Variants in STAMBP observed in about 807,000 individuals in gnomAD.
STAMBP encodes the protein STAM binding protein.
STAMBP carries 31 observed loss-of-function variants against 50.7 expected under a neutral mutation model. The observed-to-expected ratio is 0.61, with a 90% CI of 0.46 to 0.83. The LOEUF is 0.83. STAMBP is among the 40% of genes least tolerant of loss of function. The pLI is 0.00. For missense variants in STAMBP, 472 were observed against 518.9 expected (o/e 0.91, Z 0.88); for synonymous variants, 211 against 192.4 (o/e 1.10, Z -0.80).
chr2:73,847,821 A>G, intron 5 of STAMBP, 68 bp downstream of exon 5: 3 of 1,537,598 alleles, frequency 2.0e-6, no homozygotes, highest in Non-Finnish European at 2.6e-6. Context: ...TGACGGGGTC[A>G]ACCTAAGATT....
Position 73,829,294 on chromosome 2 carries a change from G to GA in STAMBP, c.-228dup, listed in dbSNP as rs2104035909. The GA allele has an allele frequency of 6.6e-6, 1 of 152,454 alleles. No individual in the cohort carries two copies. The highest frequency in any genetic ancestry group is 1.9e-4 in the East Asian group (1 of 5,188). 9.4% of individuals were successfully genotyped at this position (152,454 alleles called of 1,614,324 possible). On this transcript the variant is annotated 5_prime_UTR_variant, in exon 1 of 10. It removes the in-frame stop codon of an upstream open reading frame in the 5' UTR. Coordinates refer to ENST00000394070, the MANE Select transcript of STAMBP (RefSeq NM_213622.4). ...AAGAAGGGTTCCTCAAGCAGTTGTC[G>GA]ATAGAGCCCTCCCTACTGTATACGC...
chr2:73,855,797 G>A (rs1677479292), intron 7 of STAMBP: 2 of 406,976 alleles, frequency 4.9e-6, no homozygotes, highest in African/African-American at 4.1e-5. Context: ...GAATCACTTA[G>A]TGAGCTTTCA....
chr2:73,859,185 G>A, intron 7 of STAMBP, 69 bp from the exon 8 acceptor site: 4 of 1,253,330 alleles, frequency 3.2e-6, no homozygotes, highest in Non-Finnish European at 4.7e-6. Flanking sequence ...CTCAGAAAGG[G>A]AATCGCAAAT....
chr2:73,841,807 T>C (rs1474176362), intron 2 of STAMBP, among the ~76,000 whole-genome samples: 4 of 152,158 alleles, frequency 2.6e-5, no homozygotes, highest in Non-Finnish European at 5.9e-5. Context: ...TACTAACCAC[T>C]AAGTTCTTTT....
downstream of STAMBP, among the ~76,000 whole-genome samples, chr2:73,868,233 T>A (rs952700463): frequency 2.0e-5 from 3 of 151,162 alleles, no homozygotes; most frequent in Admixed American, 6.6e-5. Flanking sequence ...AAATCAATAA[T>A]ATAGATGCAA....
chr2:73,840,316 T>TG lies in STAMBP; in HGVS notation c.204-4497_204-4496insG, dbSNP rs1436854205. Among the ~76,000 whole-genome samples, 77 of 151,358 alleles carry TG rather than the reference T, an allele frequency of 5.1e-4. 1 individual carries two copies. The highest frequency in any genetic ancestry group is 1.7e-3 in the African/African-American group (69 of 41,254). ...ATTGATGGACATTTAGGGGTTTGTT[T>TG]TTTTTTTTTTTTTCAGTTTTTTCTA... On this transcript the variant is annotated intron_variant, in intron 2 of 9. Transcript: ENST00000394070.
At chr2:73,842,537 G>A (rs896102745) in intron 2 of STAMBP, among the ~76,000 whole-genome samples, 3 of 152,172 alleles carry the variant, frequency 2.0e-5, no homozygotes, top group African/African-American at 4.8e-5. Context: ...TTTCTTAAAT[G>A]TATGTATAGC....
At chr2:73,868,220 T>C (rs6720781), downstream of STAMBP, among the ~76,000 whole-genome samples, 9,676 of 151,258 alleles carry the variant, frequency 0.064, 369 homozygotes, top group African/African-American at 0.1. Context: ...ACACTTCACA[T>C]CAAAATCAAT....
chr2:73,839,957 A>G (rs2104372332), intron 2 of STAMBP, among the ~76,000 whole-genome samples: 1 of 152,260 alleles, frequency 6.6e-6, no homozygotes, highest in Non-Finnish European at 1.5e-5. Flanking sequence ...TTCATGGCTC[A>G]CTCTTGTCTA....
intron 2 of STAMBP, among the ~76,000 whole-genome samples, chr2:73,833,964 A>G (rs1674265911): frequency 6.6e-6 from 1 of 151,866 alleles, no homozygotes; most frequent in Non-Finnish European, 1.5e-5. Context: ...TAATCCCAGC[A>G]CTTTGGGAGG....
intron 7 of STAMBP, among the ~76,000 whole-genome samples, chr2:73,852,917 GGTGTGT>G (rs56684009): frequency 4.7e-4 from 58 of 122,860 alleles, no homozygotes; most frequent in Admixed American, 8.0e-4. Flanking sequence ...ATGTTGGCCA[GGTGTGT>G]GTGTGTGTGT....
chr2:73,837,658 G>A (rs994109183), intron 2 of STAMBP, among the ~76,000 whole-genome samples: 1 of 135,456 alleles, frequency 7.4e-6, no homozygotes, highest in African/African-American at 2.7e-5. Context: ...TAAAATTTTT[G>A]AAAACTGTTT....
rs1179062678 is a variant in STAMBP at position 73,866,705 on chromosome 2, C to T, written c.*4446C>T. On this transcript the variant is annotated 3_prime_UTR_variant, in exon 10 of 10. Coordinates refer to ENST00000394070, the MANE Select transcript of STAMBP (RefSeq NM_213622.4). The stretch of plus-strand genomic sequence containing the variant: ...GAGGGATGGTTGTCCTGGCCAACAG[C>T]GAATTTAATGGGTGGTCAAAAGAAG... 2.0e-5 allele frequency: 3 copies of T among 152,104 alleles called. No individual in the cohort carries two copies. The highest frequency in any genetic ancestry group is 1.3e-4 in the Admixed American group (2 of 15,254). The allele number at this position is 152,104 out of a possible 1,614,324, so 9.4% of individuals were successfully genotyped here.
chr2:73,832,418 G>A (rs1674072836), intron 2 of STAMBP, among the ~76,000 whole-genome samples: 1 of 149,872 alleles, frequency 6.7e-6, no homozygotes, highest in Admixed American at 6.7e-5. Context: ...TCGTGCCACT[G>A]CACTCCAGGA....
At chr2:73,870,263 G>C (rs906619130), downstream of STAMBP, 1 of 152,220 alleles carries the variant, frequency 6.6e-6, no homozygotes, top group African/African-American at 2.4e-5. Context: ...GTCATATATG[G>C]AAACCTTCCA....
At chr2:73,846,537 G>A (rs1451933632) in intron 4 of STAMBP, among the ~76,000 whole-genome samples, 1 of 151,692 alleles carries the variant, frequency 6.6e-6, no homozygotes, top group Non-Finnish European at 1.5e-5. Flanking sequence ...GAGATGGGAG[G>A]ATCACCTGCG....
Position 73,829,363 on chromosome 2 carries a change from T to A in STAMBP, c.-160T>A, listed in dbSNP as rs1237688024. On this transcript the variant is annotated 5_prime_UTR_variant, in exon 1 of 10. Coordinates refer to ENST00000394070, the MANE Select transcript of STAMBP (RefSeq NM_213622.4). ...CTACTTCCTTTCTCCTCCTCGTATTTCCCCCTCGGTCCTTTACGCCGCCTT... is the reference window on the plus strand; with the variant it reads ...CTACTTCCTTTCTCCTCCTCGTATTACCCCCTCGGTCCTTTACGCCGCCTT... 3 of 152,394 alleles carry A rather than the reference T, an allele frequency of 2.0e-5. No homozygotes were observed. The highest frequency in any genetic ancestry group is 7.2e-5 in the African/African-American group (3 of 41,410). The allele number at this position is 152,394 out of a possible 1,614,324, so 9.4% of individuals were successfully genotyped here.
Position 73,862,749 on chromosome 2 carries a change from G to A in STAMBP, c.*490G>A, listed in dbSNP as rs1176739270. The A allele has an allele frequency of 1.3e-5, 2 of 152,756 alleles. No homozygotes were observed. Among genetic ancestry groups the A allele is most frequent in the East Asian group, 3.9e-4 (2 of 5,190 alleles). The allele number at this position is 152,756 out of a possible 1,614,324, so 9.5% of individuals were successfully genotyped here. ...GCAATATGAATGGAGCTTATTACTG[G>A]GGTGAGGGACAGCTTACTCCATTTG... On this transcript the variant is annotated 3_prime_UTR_variant, in exon 10 of 10. Transcript: ENST00000394070.
At chr2:73,834,224 AAAAAAAAAAAAAATATAT>A (rs1674336378) in intron 2 of STAMBP, among the ~76,000 whole-genome samples, 3 of 25,450 alleles carry the variant, frequency 1.2e-4, no homozygotes, top group Non-Finnish European at 2.4e-4. Flanking sequence ...AAAAAAAAAA[AAAAAAAAAAAAAATATAT>A]ATATATATAT....
Sources: allele counts gnomAD v4.1 joint callset (sites outside exome capture counted in the v4.1 genomes callset), GRCh38; gene constraint gnomAD v4.1.1; transcripts MANE v1.5; gene names NCBI Gene and HGNC (gene_info 2026-07-23, HGNC 2026-07-21).